Variants in CDH20 observed in about 807,000 individuals in gnomAD.
CDH20 encodes cadherin 20.
In CDH20, 29 loss-of-function variants were observed where a neutral mutation model predicts 74.2. That is an observed-to-expected ratio of 0.39 (90% CI 0.29 to 0.53). The LOEUF (loss-of-function observed/expected upper bound fraction) is 0.53. CDH20 is among the 20% of genes least tolerant of loss of function. CDH20 has a pLI of 0.69. For missense variants in CDH20, 988 were observed against 1,048.3 expected (o/e 0.94, Z 0.79); for synonymous variants, 469 against 405.4 (o/e 1.16, Z -1.88).
At chr18:61,444,357 C>T (rs927023699) in intron 1 of CDH20, among the ~76,000 whole-genome samples, 2 of 152,118 alleles carry the variant, frequency 1.3e-5, no homozygotes, top group African/African-American at 4.8e-5. Context: ...TTTCCAGATG[C>T]TGACATATAT....
intron 1 of CDH20, among the ~76,000 whole-genome samples, chr18:61,434,267 A>G (rs1363086633): frequency 6.6e-6 from 1 of 152,166 alleles, no homozygotes; most frequent in Non-Finnish European, 1.5e-5. Context: ...CAACTAGCAT[A>G]GCCCCTGGCA....
chr18:61,470,726 CT>C (rs1219931148), intron 1 of CDH20, among the ~76,000 whole-genome samples: 3 of 152,074 alleles, frequency 2.0e-5, no homozygotes, highest in African/African-American at 7.2e-5. Context: ...CAGTAGATCA[CT>C]GATATAATAT....
At chr18:61,510,583 T>C (rs1911743186) in intron 6 of CDH20, among the ~76,000 whole-genome samples, 1 of 152,224 alleles carries the variant, frequency 6.6e-6, no homozygotes, top group Non-Finnish European at 1.5e-5. Flanking sequence ...TTCATATGTT[T>C]GTTCTGTATT....
intron 1 of CDH20, among the ~76,000 whole-genome samples, chr18:61,348,195 C>A (rs1338055055): frequency 2.0e-5 from 3 of 152,122 alleles, no homozygotes; most frequent in East Asian, 3.8e-4. Flanking sequence ...TTTCCTTATT[C>A]TTAGGAACTG....
chr18:61,348,108 G>C (rs981720444), intron 1 of CDH20, among the ~76,000 whole-genome samples: 2 of 151,938 alleles, frequency 1.3e-5, no homozygotes, highest in Non-Finnish European at 2.9e-5. Flanking sequence ...CATTTTTTTG[G>C]GGGGGTGGTC....
chr18:61,454,590 G>T (rs567939539), intron 1 of CDH20, among the ~76,000 whole-genome samples: 2 of 152,300 alleles, frequency 1.3e-5, no homozygotes, highest in South Asian at 4.1e-4. Context: ...AAAAATTTCT[G>T]CCTTTCAGCC....
intron 1 of CDH20, among the ~76,000 whole-genome samples, chr18:61,410,100 T>C (rs986333730): frequency 6.6e-6 from 1 of 152,232 alleles, no homozygotes; most frequent in African/African-American, 2.4e-5. Flanking sequence ...ATTGTCCTAC[T>C]ATGTTTCCTA....
intron 1 of CDH20, among the ~76,000 whole-genome samples, chr18:61,416,580 T>G (rs1399586299): frequency 6.6e-6 from 1 of 152,240 alleles, no homozygotes; most frequent in Non-Finnish European, 1.5e-5. Flanking sequence ...CTCATCTATA[T>G]GACAGGCAAG....
intron 1 of CDH20, among the ~76,000 whole-genome samples, chr18:61,339,395 A>G (rs1316417114): frequency 6.6e-6 from 1 of 151,992 alleles, no homozygotes; most frequent in Non-Finnish European, 1.5e-5. Flanking sequence ...ACACACATAT[A>G]TATTGCATAA....
chr18:61,385,288 C>A (rs546741159), intron 1 of CDH20, among the ~76,000 whole-genome samples: 1 of 151,674 alleles, frequency 6.6e-6, no homozygotes, highest in South Asian at 2.1e-4. Context: ...CTCTTGTTAA[C>A]GCAATAAGAC....
At chr18:61,519,824 G>A (rs1195669955) in intron 6 of CDH20, among the ~76,000 whole-genome samples, 1 of 150,696 alleles carries the variant, frequency 6.6e-6, no homozygotes, top group Non-Finnish European at 1.5e-5. Context: ...GACACAGATT[G>A]GCAAATTGGA....
At chr18:61,340,282 C>A (rs1909905194) in intron 1 of CDH20, among the ~76,000 whole-genome samples, 1 of 135,004 alleles carries the variant, frequency 7.4e-6, no homozygotes, top group Non-Finnish European at 1.5e-5. Context: ...TTAGCATTTT[C>A]CCAGAGAACA....
chr18:61,401,885 T>C (rs1272784761), intron 1 of CDH20, among the ~76,000 whole-genome samples: 1 of 152,156 alleles, frequency 6.6e-6, no homozygotes, highest in Non-Finnish European at 1.5e-5. Flanking sequence ...CTATTCAAAA[T>C]AGGAAACCAT....
chr18:61,368,093 GA>G (rs1176283743), intron 1 of CDH20, among the ~76,000 whole-genome samples: 1 of 151,982 alleles, frequency 6.6e-6, no homozygotes, highest in African/African-American at 2.4e-5. Flanking sequence ...GAATTTTTTG[GA>G]AGACACAATC....
At chr18:61,452,833 T>A (rs1909439822) in intron 1 of CDH20, among the ~76,000 whole-genome samples, 1 of 152,136 alleles carries the variant, frequency 6.6e-6, no homozygotes, top group Non-Finnish European at 1.5e-5. Context: ...TCCTTCCCTC[T>A]CCTATTTGAT....
intron 1 of CDH20, among the ~76,000 whole-genome samples, chr18:61,391,415 T>G (rs533292475): frequency 4.5e-4 from 69 of 152,216 alleles, no homozygotes; most frequent in Non-Finnish European, 8.5e-4. Context: ...TAATATAAAA[T>G]ATCCATTAAG....
At chr18:61,502,063 C>T (rs1232455797) in intron 4 of CDH20, among the ~76,000 whole-genome samples, 4 of 152,180 alleles carry the variant, frequency 2.6e-5, no homozygotes, top group African/African-American at 9.7e-5. Context: ...CCAGTCCCTT[C>T]CATTTTCATG....
At chr18:61,485,319 A>G (rs1389720533) in intron 1 of CDH20, among the ~76,000 whole-genome samples, 1 of 152,188 alleles carries the variant, frequency 6.6e-6, no homozygotes, top group African/African-American at 2.4e-5. Context: ...GATATATCTC[A>G]TTTCAGAAAT....
intron 3 of CDH20, 46 bp from the exon 4 acceptor site, chr18:61,500,337 T>C (rs1308149428): frequency 6.3e-7 from 1 of 1,589,564 alleles, no homozygotes; most frequent in Admixed American, 1.7e-5. Flanking sequence ...GCATCCAGCC[T>C]TTAGCTATTA....
Sources: allele counts gnomAD v4.1 joint callset (sites outside exome capture counted in the v4.1 genomes callset), GRCh38; gene constraint gnomAD v4.1.1; transcripts MANE v1.5; gene names NCBI Gene and HGNC (gene_info 2026-07-23, HGNC 2026-07-21).